The following AP3D1 variants were observed in gnomAD, a reference collection of about 807,000 sequenced individuals.
The protein encoded by AP3D1 is AP-3 complex subunit delta-1.
In AP3D1, 51 loss-of-function variants were observed where a neutral mutation model predicts 147.6. The ratio of observed to expected loss-of-function variants is 0.35; its 90% CI spans 0.28 to 0.44. The LOEUF (loss-of-function observed/expected upper bound fraction) is 0.44. Among genes scored for constraint, AP3D1 ranks in the 20% least tolerant of loss-of-function variants. The pLI is 1.00. For missense variants in AP3D1, 1,421 were observed against 1,624.2 expected (o/e 0.87, Z 2.15); for synonymous variants, 760 against 663.0 (o/e 1.15, Z -2.25).
intron 17 of AP3D1, 52 bp downstream of exon 17, chr19:2,116,553 C>T: frequency 6.6e-7 from 1 of 1,507,958 alleles, no homozygotes; most frequent in South Asian, 1.3e-5. Context: ...CAAAGACTCC[C>T]TGGGACAGGA....
At chr19:2,147,795 G>A (rs2019399704) in intron 1 of AP3D1, among the ~76,000 whole-genome samples, 1 of 151,204 alleles carries the variant, frequency 6.6e-6, no homozygotes, top group African/African-American at 2.4e-5. Flanking sequence ...TTGGGAGGTT[G>A]AGTCACTTGA....
intron 1 of AP3D1, among the ~76,000 whole-genome samples, chr19:2,147,101 T>C (rs2019376299): frequency 6.6e-6 from 1 of 152,164 alleles, no homozygotes; most frequent in South Asian, 2.1e-4. Flanking sequence ...TCCCAGCTCT[T>C]TGGGAGGCCG....
At position 2,164,030 on chromosome 19, in the gene AP3D1, C is replaced by CGCG. The variant is rs576715318; in HGVS notation, c.-103+323_-103+325dup. On this transcript the variant is annotated intron_variant, in intron 1 of 14. Coordinates refer to the AP3D1 transcript ENST00000643010. Reference sequence around the variant, plus strand: ...AGTCGGGGGCCGGGCCGGACCGGAGCGCGGCGGCGGCGGCGGCGGCGGCCG... The same window carrying CGCG: ...AGTCGGGGGCCGGGCCGGACCGGAGCGCGGCGGCGGCGGCGGCGGCGGCGGCCG... 1,050 of 301,134 alleles carry CGCG rather than the reference C, an allele frequency of 3.5e-3. 7 individuals carry two copies. The highest frequency in any genetic ancestry group is 0.011 in the Admixed American group (190 of 16,792). 18.7% of individuals were successfully genotyped at this position (301,134 alleles called of 1,614,324 possible).
chr19:2,117,066 T>C, intron 16 of AP3D1, 156 bp downstream of exon 16: 1 of 980,516 alleles, frequency 1.0e-6, no homozygotes, highest in Non-Finnish European at 1.4e-6. Flanking sequence ...GTGAGAGACC[T>C]GGTGAGTCCG....
intron 4 of AP3D1, among the ~76,000 whole-genome samples, chr19:2,134,466 G>C (rs1219813670): frequency 6.6e-6 from 1 of 151,582 alleles, no homozygotes; most frequent in Non-Finnish European, 1.5e-5. Context: ...GCTGGGCGTG[G>C]TGGCTCACGC....
At chr19:2,127,863 A>G (rs2018801646) in intron 8 of AP3D1, among the ~76,000 whole-genome samples, 1 of 152,184 alleles carries the variant, frequency 6.6e-6, no homozygotes, top group African/African-American at 2.4e-5. Flanking sequence ...CACACAGATA[A>G]TCACCATGGA....
At chr19:2,106,426 G>A (rs111647514) in intron 31 of AP3D1, among the ~76,000 whole-genome samples, 2 of 152,298 alleles carry the variant, frequency 1.3e-5, no homozygotes, top group African/African-American at 4.8e-5. Flanking sequence ...GCATGTGCCT[G>A]TAATCCCAGC....
intron 3 of AP3D1, 83 bp from the exon 4 acceptor site, chr19:2,137,174 C>T (rs1020837203): frequency 8.2e-6 from 10 of 1,222,782 alleles, no homozygotes; most frequent in African/African-American, 3.0e-5. Flanking sequence ...GCGACCACAC[C>T]AGGCAGCGCC....
intron 21 of AP3D1, 126 bp downstream of exon 21, chr19:2,114,622 G>GGCCCCCCCCCCCCC: frequency 3.0e-6 from 2 of 665,744 alleles, no homozygotes; most frequent in Non-Finnish European, 2.7e-6. Flanking sequence ...TCTGGGGAAG[G>GGCCCCCCCCCCCCC]CCCGCCCGCA....
In AP3D1 at chr19:2,115,327, C is replaced by G; in HGVS notation, c.2241G>C (p.Lys747Asn). 6.2e-7 allele frequency: 1 copy of G among 1,611,402 alleles called. No individual in the cohort carries two copies. The highest frequency in any genetic ancestry group is 8.5e-7 in the Non-Finnish European group (1 of 1,179,912). ...LEKDKRRKKR[K>N]EKEKKGKRRH... The stretch of plus-strand genomic sequence containing the variant: ...GGCGCTTGCCCTTCTTCTCCTTCTC[C>G]TTCCTCTTTTTCCTCCTCTTGTCCT... Residue 747 changes from lysine to asparagine, a missense_variant, in exon 20 of 32, where the codon AAG (lysine) becomes AAC (asparagine). Lys to Asn is a moderately conservative substitution (Grantham distance 94). Coordinates refer to ENST00000643116, the MANE Select transcript of AP3D1 (RefSeq NM_001261826.3).
intron 31 of AP3D1, 95 bp from the exon 32 acceptor site, chr19:2,102,363 G>A (rs1438147997): frequency 1.9e-6 from 2 of 1,061,656 alleles, no homozygotes; most frequent in African/African-American, 1.6e-5. Flanking sequence ...GGAGGCCAAG[G>A]TGGGTGGATC....
At chr19:2,105,348 T>C (rs1406200762) in intron 31 of AP3D1, among the ~76,000 whole-genome samples, 4 of 152,142 alleles carry the variant, frequency 2.6e-5, no homozygotes, top group Admixed American at 2.6e-4. Flanking sequence ...AGGTTGTGGG[T>C]TGATGGGAAT....
At chr19:2,132,437 C>T (rs1422916902) in intron 5 of AP3D1, 34 bp downstream of exon 5, 3 of 1,558,438 alleles carry the variant, frequency 1.9e-6, no homozygotes, top group East Asian at 2.3e-5. Context: ...CCAGAGCAGA[C>T]ATGCAGGGGT....
intron 3 of AP3D1, 36 bp downstream of exon 3, chr19:2,137,691 C>T (rs773265041): frequency 1.4e-4 from 225 of 1,586,444 alleles, no homozygotes; most frequent in Non-Finnish European, 1.8e-4. Context: ...TGTAATCACT[C>T]CCCACCCCAC....
chr19:2,142,972 C>T lies in AP3D1; in HGVS notation c.97-4258G>A, dbSNP rs2019261074. Among the ~76,000 whole-genome samples, 3 of 151,916 alleles carry T rather than the reference C, an allele frequency of 2.0e-5. No homozygotes were observed. The South Asian group carries it at 6.2e-4, about 31-fold the overall frequency. On this transcript the variant is annotated intron_variant, in intron 1 of 31. Transcript: ENST00000643116. ...AGAGACAGGGTTTCTCCATGTTGGC[C>T]AGGCTGATCTCGAACTCCCGACCTC...
rs2018322932 is a variant in AP3D1 at position 2,112,840 on chromosome 19, TGGGG to T, written c.2787+16_2787+19del. On this transcript the variant is annotated intron_variant, in intron 24 of 31. Coordinates refer to ENST00000643116, the MANE Select transcript of AP3D1 (RefSeq NM_001261826.3). ...GGCTCATGCAGCCCTCCACAGCCCC[TGGGG>T]GAGTGACAGCCTCACCTTGTCCTGG... 1 of 1,594,646 alleles carries T rather than the reference TGGGG, an allele frequency of 6.3e-7. No homozygotes were observed. The highest frequency in any genetic ancestry group is 1.3e-5 in the African/African-American group (1 of 74,478).
Position 2,112,937 on chromosome 19 carries a change from G to A in AP3D1, c.2710C>T (p.Pro904Ser), listed in dbSNP as rs768606560. Residue 904 changes from proline to serine, a missense_variant, in exon 24 of 32, where the codon CCG becomes TCG. By Grantham distance (74) the Pro-to-Ser change is moderately conservative. This residue lies in a region of AP3D1 where 791 missense variants were observed against 761.4 expected (regional missense o/e 1.04). Transcript: ENST00000643116. The stretch of plus-strand genomic sequence containing the variant: ...TTGGCGTCCTCACACTCGTCCTTCG[G>A]GGTAGTGACAGTGTTCACACTGAGC... ...GELSVNTVTTPKDECEDAKTE... is the reference protein window; with the variant it reads ...GELSVNTVTTSKDECEDAKTE... The A allele has an allele frequency of 1.2e-6, 2 of 1,613,056 alleles. No individual in the cohort carries two copies. The highest frequency in any genetic ancestry group is 1.7e-5 in the Admixed American group (1 of 59,988).
At chr19:2,122,417 C>A (rs2018636770) in intron 11 of AP3D1, among the ~76,000 whole-genome samples, 3 of 152,220 alleles carry the variant, frequency 2.0e-5, no homozygotes, top group Admixed American at 2.0e-4. Flanking sequence ...GGCTTTCAGG[C>A]CACGGGGCAG....
chr19:2,159,242 G>C (rs1363103925), intron 1 of AP3D1, among the ~76,000 whole-genome samples: 3 of 144,664 alleles, frequency 2.1e-5, no homozygotes, highest in Non-Finnish European at 3.0e-5. Flanking sequence ...TTTTTGAGAC[G>C]GAGTCTCCCT....
Sources: allele counts gnomAD v4.1 joint callset (sites outside exome capture counted in the v4.1 genomes callset), GRCh38; gene constraint gnomAD v4.1.1; regional missense constraint gnomAD v4.1.1; transcripts MANE v1.5; gene names NCBI Gene and HGNC (gene_info 2026-07-23, HGNC 2026-07-21).